The following CCDC102B variants were observed in gnomAD, a reference collection of about 807,000 sequenced individuals.
The protein encoded by CCDC102B is coiled-coil domain containing 102B, also known as coiled-coil domain-containing protein 102B.
In CCDC102B, 75 loss-of-function variants were observed where a neutral mutation model predicts 57.4. The observed-to-expected ratio is 1.31, with a 90% CI of 1.08 to 1.58. The LOEUF is 1.58. Ranked by LOEUF, CCDC102B falls within the 40% of genes most tolerant of loss-of-function variation. The pLI is 0.00. For missense variants in CCDC102B, 636 were observed against 582.6 expected, an observed-to-expected ratio of 1.09 and a Z score of -0.94; for synonymous variants, 206 against 201.9, an observed-to-expected ratio of 1.02 and a Z score of -0.17.
At chr18:68,946,303 C>G (rs964946504) in intron 6 of CCDC102B, among the ~76,000 whole-genome samples, 1 of 151,920 alleles carries the variant, frequency 6.6e-6, no homozygotes, top group African/African-American at 2.4e-5. Context: ...AACAATTAAC[C>G]ATCTTCATCA....
chr18:69,011,092 A>G lies in CCDC102B; in HGVS notation c.1422A>G (p.Gln474=). 5 of 1,613,358 alleles carry G rather than the reference A, an allele frequency of 3.1e-6. No homozygotes were observed. The highest frequency in any genetic ancestry group is 1.7e-4 in the Middle Eastern group (1 of 6,056). The change falls in exon 7 of 8, where the codon CAA becomes CAG. Residue 474 remains glutamine, a synonymous_variant. Coordinates refer to ENST00000360242, the MANE Select transcript of CCDC102B (RefSeq NM_024781.3). ...RVEELKQGLN[Q]KEDELDDSLN... The stretch of plus-strand genomic sequence containing the variant: ...AAGAACTAAAGCAGGGACTCAATCA[A>G]AAAGAAGATGAGGTACTACTTTATG...
chr18:68,881,137 A>T (rs1164692751), intron 5 of CCDC102B, among the ~76,000 whole-genome samples: 1 of 152,354 alleles, frequency 6.6e-6, no homozygotes, highest in East Asian at 1.9e-4. Context: ...TGAGTGGAAG[A>T]TGTCATTTGG....
In CCDC102B at chr18:68,912,638, ATTG is replaced by A. The variant is rs1188738614; in HGVS notation, c.1263+15213_1263+15215del. On this transcript the variant is annotated intron_variant, in intron 6 of 7. Coordinates refer to ENST00000360242, the MANE Select transcript of CCDC102B (RefSeq NM_024781.3). ...TATACGTTTTTTAGTCATTGTATTG[ATTG>A]TTAAGAGGCAACTAATAAATGTGTG... Among the ~76,000 whole-genome samples, 6 of 152,312 alleles carry A rather than the reference ATTG, an allele frequency of 3.9e-5. No homozygotes were observed. The East Asian group carries it at 1.2e-3, about 29-fold the overall frequency.
At chr18:68,842,785 CTCA>C (rs1164222283) in intron 3 of CCDC102B, among the ~76,000 whole-genome samples, 2 of 152,150 alleles carry the variant, frequency 1.3e-5, no homozygotes, top group African/African-American at 4.8e-5. Flanking sequence ...TGATGGCTTT[CTCA>C]TCAGTGTTCC....
intron 1 of CCDC102B, among the ~76,000 whole-genome samples, chr18:68,817,355 C>T (rs1401845505): frequency 6.6e-6 from 1 of 152,194 alleles, no homozygotes; most frequent in Non-Finnish European, 1.5e-5. Flanking sequence ...GTAAATTTGG[C>T]TTTCATAAAC....
chr18:69,052,185 A>C (rs1568151994), intron 7 of CCDC102B, among the ~76,000 whole-genome samples: 2 of 151,978 alleles, frequency 1.3e-5, no homozygotes, highest in Non-Finnish European at 2.9e-5. Context: ...AGTAATGAGC[A>C]AAAGGCCTGA....
chr18:68,792,644 A>G (rs898793049), intron 2 of CCDC102B, among the ~76,000 whole-genome samples: 2 of 152,194 alleles, frequency 1.3e-5, no homozygotes. Flanking sequence ...GAATGTTTCT[A>G]CAGGTTACAT....
chr18:68,846,466 T>C (rs769964263), intron 4 of CCDC102B, 45 bp downstream of exon 4: 3 of 1,298,570 alleles, frequency 2.3e-6, no homozygotes, highest in Non-Finnish European at 2.1e-6. Flanking sequence ...GCCTAGCTTT[T>C]TCTTTCTTTG....
chr18:68,838,850 G>C lies in CCDC102B; in HGVS notation c.751G>C (p.Glu251Gln). 4.3e-6 allele frequency: 7 copies of C among 1,613,916 alleles called. No homozygotes were observed. The highest frequency in any genetic ancestry group is 5.9e-6 in the Non-Finnish European group (7 of 1,179,920). ...LRLKAINLPLENEVTEISALQ... is the reference protein window; with the variant it reads ...LRLKAINLPLQNEVTEISALQ... ...ACTGAAAGCAATAAATCTGCCTTTG[G>C]AAAATGAAGTAACTGAAATTTCAGC... Residue 251 changes from glutamate to glutamine, a missense_variant, in exon 3 of 8, where the codon GAA becomes CAA. Physicochemically the swap from Glu to Gln is conservative, Grantham distance 29. Transcript: ENST00000360242.
chr18:68,946,873 A>G (rs2049555424), intron 6 of CCDC102B, among the ~76,000 whole-genome samples: 1 of 152,010 alleles, frequency 6.6e-6, no homozygotes, highest in Non-Finnish European at 1.5e-5. Context: ...CTGTGAGGGG[A>G]ATAATGCTGC....
At chr18:69,002,630 T>G (rs2051234744) in intron 6 of CCDC102B, among the ~76,000 whole-genome samples, 1 of 152,206 alleles carries the variant, frequency 6.6e-6, no homozygotes, top group African/African-American at 2.4e-5. Context: ...TTTTTCCTGT[T>G]AATCACAGAT....
chr18:68,839,845 G>C (rs1394660270), intron 3 of CCDC102B, among the ~76,000 whole-genome samples: 1 of 152,156 alleles, frequency 6.6e-6, no homozygotes, highest in African/African-American at 2.4e-5. Flanking sequence ...TCAAAAGTCA[G>C]ACCCACTTAT....
At chr18:68,910,585 A>G (rs1262439934) in intron 6 of CCDC102B, among the ~76,000 whole-genome samples, 1 of 152,212 alleles carries the variant, frequency 6.6e-6, no homozygotes, top group African/African-American at 2.4e-5. Context: ...ACAGATGTAG[A>G]CAGGGCTGAG....
rs139377520 is a variant in CCDC102B at position 69,014,978 on chromosome 18, A to AGAGTGTGTGTGTGTGT, written c.1434+3875_1434+3876insAGTGTGTGTGTGTGTG. Among the ~76,000 whole-genome samples, 3 of 139,332 alleles carry AGAGTGTGTGTGTGTGT rather than the reference A, an allele frequency of 2.2e-5. No individual in the cohort carries two copies. The Admixed American group carries it at 2.2e-4, about 10-fold the overall frequency. 91.4% of individuals were successfully genotyped at this position (139,332 alleles called of 152,430 possible). A position where few individuals can be genotyped will look rare whatever the true frequency, so the allele number is the denominator to read the frequency against. ...GTGAATGAGAGAGAGAGAGAGAGAG[A>AGAGTGTGTGTGTGTGT]GTGTGTGTGTGTGTGTGTGTGTGTG... is the stretch of plus-strand genomic sequence containing the variant. On this transcript the variant is annotated intron_variant, in intron 7 of 7. Coordinates refer to ENST00000360242, the MANE Select transcript of CCDC102B (RefSeq NM_024781.3).
intron 2 of CCDC102B, among the ~76,000 whole-genome samples, chr18:68,837,811 T>C (rs2037449845): frequency 6.6e-6 from 1 of 152,174 alleles, no homozygotes; most frequent in Non-Finnish European, 1.5e-5. Context: ...ACAAGAAAGA[T>C]ATGTATATGT....
intron 4 of CCDC102B, among the ~76,000 whole-genome samples, chr18:68,868,871 T>C (rs9319770): frequency 0.7 from 106,775 of 151,972 alleles, 37,913 homozygotes; most frequent in East Asian, 1. Context: ...GAGCCTGTTA[T>C]AGTAATCTAG....
intron 2 of CCDC102B, chr18:68,753,139 T>A (rs891394953): frequency 6.6e-6 from 1 of 152,208 alleles, no homozygotes; most frequent in Non-Finnish European, 1.5e-5. Context: ...TAAAGTACAA[T>A]GATTTCATTT....
chr18:69,040,145 G>C (rs1230338045), intron 7 of CCDC102B, among the ~76,000 whole-genome samples: 1 of 151,858 alleles, frequency 6.6e-6, no homozygotes, highest in Non-Finnish European at 1.5e-5. Context: ...GTACACTGAA[G>C]TTTATTTTTC....
chr18:68,876,032 A>G (rs1301881646), intron 5 of CCDC102B, among the ~76,000 whole-genome samples: 2 of 152,180 alleles, frequency 1.3e-5, no homozygotes, highest in African/African-American at 4.8e-5. Context: ...GGTGGCTTTC[A>G]TAACTTTTGT....
Sources: gnomAD v4.1 joint callset for allele counts (sites outside exome capture counted in the v4.1 genomes callset) on GRCh38, gnomAD v4.1.1 for gene constraint, MANE v1.5 for transcripts, NCBI Gene and HGNC (gene_info 2026-07-23, HGNC 2026-07-21) for gene names.